Variants in PSMF1 observed in about 807,000 individuals in gnomAD.
The protein encoded by PSMF1 is proteasome inhibitor PI31 subunit.
In PSMF1, 30 loss-of-function variants were observed where a neutral mutation model predicts 29.3. That is an observed-to-expected ratio of 1.02 (90% CI 0.77 to 1.39). The LOEUF (loss-of-function observed/expected upper bound fraction) is 1.39, where lower values mean the gene tolerates loss of function less well. Among genes scored for constraint, PSMF1 ranks in the 40% most tolerant of loss-of-function variants. The pLI, the probability that PSMF1 is intolerant of heterozygous loss-of-function variation, is 0.00. For synonymous variants in PSMF1, 134 were observed against 139.7 expected (o/e 0.96, Z 0.29); for missense variants, 344 against 357.5 (o/e 0.96, Z 0.31).
intron 4 of PSMF1, among the ~76,000 whole-genome samples, chr20:1,145,753 A>G (rs770117154): frequency 3.9e-5 from 6 of 152,152 alleles, no homozygotes; most frequent in Non-Finnish European, 7.4e-5. Flanking sequence ...GCTTTGGGGA[A>G]CATGTGGATA....
intron 4 of PSMF1, among the ~76,000 whole-genome samples, chr20:1,153,369 C>T (rs954885190): frequency 6.6e-6 from 1 of 152,182 alleles, no homozygotes; most frequent in Non-Finnish European, 1.5e-5. Context: ...CCCTCTCCCT[C>T]AGCTCCATAA....
intron 4 of PSMF1, among the ~76,000 whole-genome samples, chr20:1,141,317 A>C (rs904773982): frequency 6.6e-6 from 1 of 152,338 alleles, no homozygotes; most frequent in Middle Eastern, 3.4e-3. Flanking sequence ...GTTGAATTTT[A>C]TAAGTGAAAT....
chr20:1,124,657 A>G (rs2086131273), intron 1 of PSMF1, among the ~76,000 whole-genome samples: 1 of 152,290 alleles, frequency 6.6e-6, no homozygotes, highest in African/African-American at 2.4e-5. Flanking sequence ...ATCAACAAGT[A>G]GATGTATAAA....
chr20:1,152,025 A>G (rs909081240), intron 4 of PSMF1, among the ~76,000 whole-genome samples: 25 of 152,200 alleles, frequency 1.6e-4, no homozygotes, highest in Non-Finnish European at 3.2e-4. Flanking sequence ...GATGGGAGCC[A>G]TCAATGTTTT....
At position 1,169,479 on chromosome 20, in the gene PSMF1, G is replaced by A. The variant is rs990159526; in HGVS notation, c.*4399G>A. On this transcript the variant is annotated 3_prime_UTR_variant, in exon 7 of 7. Coordinates refer to ENST00000335877, the MANE Select transcript of PSMF1 (RefSeq NM_006814.5). The stretch of plus-strand genomic sequence containing the variant: ...CTGCGTTCCAGATGAGCCACCTAAG[G>A]TGGATGTTGTGAGAGTCACAGTGGG... 1.3e-5 allele frequency among the ~76,000 whole-genome samples: 2 copies of A among 152,214 alleles called. No homozygotes were observed. The highest frequency in any genetic ancestry group is 4.8e-5 in the African/African-American group (2 of 41,450).
chr20:1,124,459 A>G (rs945525502), intron 1 of PSMF1, among the ~76,000 whole-genome samples: 2 of 152,168 alleles, frequency 1.3e-5, no homozygotes, highest in Admixed American at 1.3e-4. Context: ...GCTTTCATAC[A>G]TTGCTAGTGG....
chr20:1,155,282 T>C (rs6077930), intron 4 of PSMF1, among the ~76,000 whole-genome samples: 64,872 of 152,090 alleles, frequency 0.43, 14,244 homozygotes, highest in East Asian at 0.71. Context: ...AAAAATCTCC[T>C]GTGTTTCTTT....
chr20:1,151,499 T>A (rs1280319081), intron 4 of PSMF1, among the ~76,000 whole-genome samples: 3 of 152,210 alleles, frequency 2.0e-5, no homozygotes, highest in African/African-American at 7.2e-5. Flanking sequence ...TTGGAGATTT[T>A]CTAACTTGCC....
intron 4 of PSMF1, among the ~76,000 whole-genome samples, chr20:1,143,701 G>A (rs1466509352): frequency 6.6e-6 from 1 of 152,184 alleles, no homozygotes; most frequent in Non-Finnish European, 1.5e-5. Context: ...TACAGTTTGG[G>A]AGGCAATGCT....
intron 4 of PSMF1, among the ~76,000 whole-genome samples, chr20:1,141,616 A>G (rs947120997): frequency 2.6e-5 from 4 of 152,308 alleles, no homozygotes; most frequent in African/African-American, 9.6e-5. Context: ...CCTAAGGAAG[A>G]AGGCAAGGAT....
intron 4 of PSMF1, among the ~76,000 whole-genome samples, chr20:1,138,014 C>T (rs907561016): frequency 7.2e-5 from 11 of 152,162 alleles, no homozygotes; most frequent in Admixed American, 7.2e-4. Context: ...CACAGGAACT[C>T]ATGATACTAT....
intron 4 of PSMF1, among the ~76,000 whole-genome samples, chr20:1,152,436 G>A (rs1438471853): frequency 3.9e-5 from 6 of 152,312 alleles, no homozygotes; most frequent in Admixed American, 2.0e-4. Flanking sequence ...GGCTTGGATT[G>A]CTCCAAATAC....
chr20:1,120,305 C>T (rs1011775148), intron 1 of PSMF1, among the ~76,000 whole-genome samples: 3 of 152,144 alleles, frequency 2.0e-5, no homozygotes, highest in Non-Finnish European at 4.4e-5. Context: ...CTCAAATGGG[C>T]TCTAAGACTA....
At chr20:1,135,069 C>T (rs769291374) in intron 3 of PSMF1, 52 bp from the exon 4 acceptor site, 1 of 1,593,384 alleles carries the variant, frequency 6.3e-7, no homozygotes, top group East Asian at 2.2e-5. Flanking sequence ...AATACCACTT[C>T]CAGGGTTCCT....
At chr20:1,134,099 C>G (rs2086272566) in intron 3 of PSMF1, among the ~76,000 whole-genome samples, 1 of 151,378 alleles carries the variant, frequency 6.6e-6, no homozygotes, top group Admixed American at 6.6e-5. Context: ...TTATTGACTT[C>G]TGTTCTTACC....
chr20:1,148,854 A>G (rs1025253947), intron 4 of PSMF1, among the ~76,000 whole-genome samples: 11 of 152,178 alleles, frequency 7.2e-5, no homozygotes, highest in Non-Finnish European at 1.5e-4. Flanking sequence ...AAAATTATTG[A>G]GGACCCCAGA....
At chr20:1,134,834 A>G (rs922593082) in intron 3 of PSMF1, 11 of 479,714 alleles carry the variant, frequency 2.3e-5, no homozygotes, top group South Asian at 4.0e-5. Context: ...GGAGTAGCCA[A>G]TCCAGGCCCT....
rs2086719179 is a variant in PSMF1 at position 1,165,529 on chromosome 20, A to G, written c.*449A>G. The G allele has an allele frequency of 1.0e-6, 1 of 1,001,566 alleles. No homozygotes were observed. The highest frequency in any genetic ancestry group is 5.5e-5 in the Admixed American group (1 of 18,334). The allele number at this position is 1,001,566 out of a possible 1,614,324, so 62.0% of individuals were successfully genotyped here. On this transcript the variant is annotated 3_prime_UTR_variant, in exon 7 of 7. Coordinates refer to ENST00000335877, the MANE Select transcript of PSMF1 (RefSeq NM_006814.5). ...TAGCTGCTTCCATTTATGAGACTTT[A>G]GAGTTTGAGTTTCTGTAGGGCTGAA...
intron 4 of PSMF1, among the ~76,000 whole-genome samples, chr20:1,139,896 G>A (rs1281396366): frequency 6.6e-6 from 1 of 152,134 alleles, no homozygotes; most frequent in African/African-American, 2.4e-5. Context: ...GAAAGATTTG[G>A]GAAAGAATTG....
Sources: gnomAD v4.1 joint callset for allele counts (sites outside exome capture counted in the v4.1 genomes callset) on GRCh38, gnomAD v4.1.1 for gene constraint, MANE v1.5 for transcripts, NCBI Gene and HGNC (gene_info 2026-07-23, HGNC 2026-07-21) for gene names.